Variants in SYNPO2 observed in about 807,000 individuals in gnomAD.
The protein encoded by SYNPO2 is synaptopodin-2.
A neutral mutation model predicts 85.0 loss-of-function variants in SYNPO2; 56 were observed. That is an observed-to-expected ratio of 0.66 (90% CI 0.53 to 0.82). The LOEUF (loss-of-function observed/expected upper bound fraction) is 0.82, where lower values mean the gene tolerates loss of function less well. SYNPO2 is among the 40% of genes least tolerant of loss of function. SYNPO2 has a pLI of 0.00. For missense variants in SYNPO2, 1,575 were observed against 1,534.2 expected, an observed-to-expected ratio of 1.03 and a Z score of -0.44; for synonymous variants, 602 against 591.1, an observed-to-expected ratio of 1.02 and a Z score of -0.27.
rs150690638 is a variant in SYNPO2, at chr4:118,852,343, A to G, written c.12+1403A>G. ...TCAAAGACCTAAAGACAGAAATACC[A>G]CTTGACCCAGCAATCTCATTACTGA... On this transcript the variant is annotated intron_variant, in intron 1 of 4. Coordinates refer to the SYNPO2 transcript ENST00000610556. 2.6e-4 allele frequency among the ~76,000 whole-genome samples: 39 copies of G among 152,336 alleles called. 2 individuals are homozygous for G. The highest frequency in any genetic ancestry group is 8.7e-4 in the African/African-American group (36 of 41,574).
intron 1 of SYNPO2, among the ~76,000 whole-genome samples, chr4:118,874,881 C>G (rs889565446): frequency 2.6e-5 from 4 of 152,176 alleles, no homozygotes; most frequent in African/African-American, 9.6e-5. Flanking sequence ...TTTTGTTTAA[C>G]TTTGGGGGTA....
chr4:118,869,756 T>A (rs762702604), intron 1 of SYNPO2, among the ~76,000 whole-genome samples: 2 of 152,196 alleles, frequency 1.3e-5, no homozygotes, highest in South Asian at 4.1e-4. Flanking sequence ...GCAAATATTT[T>A]TGAGCTCCTG....
At chr4:118,939,216 A>C (rs562547607) in intron 1 of SYNPO2, among the ~76,000 whole-genome samples, 2 of 152,228 alleles carry the variant, frequency 1.3e-5, no homozygotes, top group African/African-American at 4.8e-5. Context: ...ACAAAAATAC[A>C]CTTTGGTCCT....
In SYNPO2 at chr4:118,912,630, A is replaced by AT. The variant is rs529272905; in HGVS notation, c.105+23495dup. ...AAAGACTTTTCTATAAATTCTAACC[A>AT]TTTTTTCCCTCTAATTATCCTTCCA... On this transcript the variant is annotated intron_variant, in intron 1 of 4. Coordinates refer to ENST00000307142, the MANE Select transcript of SYNPO2 (RefSeq NM_133477.3). Among the ~76,000 whole-genome samples the AT allele has an allele frequency of 1.3e-3, 203 of 152,250 alleles. 3 individuals are homozygous for AT. The South Asian group carries it at 0.039, about 29-fold the overall frequency.
At chr4:118,912,981 A>G (rs1175748463) in intron 1 of SYNPO2, among the ~76,000 whole-genome samples, 1 of 152,218 alleles carries the variant, frequency 6.6e-6, no homozygotes, top group Non-Finnish European at 1.5e-5. Context: ...ATTTCAAGGC[A>G]AAATCAACCA....
chr4:118,856,688 A>AT (rs1424129396), intron 1 of SYNPO2, among the ~76,000 whole-genome samples: 1 of 151,574 alleles, frequency 6.6e-6, no homozygotes, highest in Non-Finnish European at 1.5e-5. Flanking sequence ...TAATTATTTT[A>AT]TTTTTTGTAG....
In SYNPO2 at chr4:119,057,510, G is replaced by A; in HGVS notation, c.3362G>A (p.Gly1121Glu). 6.2e-7 allele frequency: 1 copy of A among 1,614,032 alleles called. No individual in the cohort carries two copies. Among genetic ancestry groups the A allele is most frequent in the Non-Finnish European group, 8.5e-7 (1 of 1,180,020 alleles). The change falls in exon 5 of 5, where the codon GGA becomes GAA. Residue 1121 changes from glycine to glutamate, a missense_variant. Around this residue, in one of 3 missense-constraint regions of SYNPO2, gnomAD observed 1,508 missense variants for 1,446.8 expected, o/e 1.04. Transcript: ENST00000307142. ...AGTTACTCTAGTAAACCAACCGATG[G>A]ACTAGAGAAAGCAAACAAGAGACCA... is the stretch of plus-strand genomic sequence containing the variant. ...TYSYSSKPTD[G>E]LEKANKRPTP... is the part of the protein sequence containing the mutation.
At chr4:118,859,375 G>A (rs547189101) in intron 1 of SYNPO2, among the ~76,000 whole-genome samples, 8 of 152,134 alleles carry the variant, frequency 5.3e-5, no homozygotes, top group Non-Finnish European at 4.4e-5. Flanking sequence ...CAGGGTAAAT[G>A]GGGTATCTCT....
intron 1 of SYNPO2, among the ~76,000 whole-genome samples, chr4:118,909,301 T>C (rs2149123094): frequency 6.6e-6 from 1 of 152,152 alleles, no homozygotes; most frequent in Middle Eastern, 3.4e-3. Flanking sequence ...TTAATTGAGT[T>C]TTGTCTTGGT....
At chr4:118,884,301 C>T (rs1238570175), upstream of SYNPO2, among the ~76,000 whole-genome samples, 4 of 152,242 alleles carry the variant, frequency 2.6e-5, no homozygotes, top group Non-Finnish European at 4.4e-5. Context: ...TCTCTCCCAA[C>T]ACACCTTGTG....
At chr4:118,936,273 T>C (rs769093763) in intron 1 of SYNPO2, among the ~76,000 whole-genome samples, 2 of 152,074 alleles carry the variant, frequency 1.3e-5, no homozygotes, top group Non-Finnish European at 2.9e-5. Context: ...CTCAAACATA[T>C]CTCCATCGTT....
At chr4:119,049,499 G>T (rs1477703101) in intron 4 of SYNPO2, among the ~76,000 whole-genome samples, 1 of 152,144 alleles carries the variant, frequency 6.6e-6, no homozygotes, top group Non-Finnish European at 1.5e-5. Context: ...TCACTTTCAA[G>T]GTTTATGGTA....
intron 1 of SYNPO2, 83 bp from the exon 2 acceptor site, chr4:119,023,347 G>A: frequency 1.4e-6 from 2 of 1,429,086 alleles, no homozygotes; most frequent in Admixed American, 2.5e-5. Context: ...TGTTACTGTT[G>A]ACAGATTTGT....
chr4:118,917,627 GT>G (rs1322183140), intron 1 of SYNPO2, among the ~76,000 whole-genome samples: 2 of 148,194 alleles, frequency 1.3e-5, no homozygotes, highest in African/African-American at 2.5e-5. Context: ...AAACCAAAAC[GT>G]GGTTTCATGC....
chr4:118,963,852 A>G (rs927427325), intron 1 of SYNPO2, among the ~76,000 whole-genome samples: 6 of 152,204 alleles, frequency 3.9e-5, no homozygotes, highest in Non-Finnish European at 8.8e-5. Flanking sequence ...CTTGTTACTC[A>G]TATTTAACCA....
At chr4:118,856,134 T>C (rs888974389) in intron 1 of SYNPO2, among the ~76,000 whole-genome samples, 1 of 152,338 alleles carries the variant, frequency 6.6e-6, no homozygotes, top group Admixed American at 6.5e-5. Flanking sequence ...CAGCGAGTCA[T>C]TTGAGGGTAG....
intron 1 of SYNPO2, among the ~76,000 whole-genome samples, chr4:118,919,436 A>G (rs1335861982): frequency 6.6e-6 from 1 of 152,166 alleles, no homozygotes; most frequent in East Asian, 1.9e-4. Flanking sequence ...TCATCTAGGT[A>G]TCAACTTTTA....
At chr4:118,929,292 G>A (rs1733840092) in intron 1 of SYNPO2, among the ~76,000 whole-genome samples, 1 of 151,998 alleles carries the variant, frequency 6.6e-6, no homozygotes, top group Non-Finnish European at 1.5e-5. Context: ...ATAAAAATAA[G>A]GAACTGGCCA....
chr4:119,003,154 G>A (rs1302220925), intron 1 of SYNPO2, among the ~76,000 whole-genome samples: 2 of 152,176 alleles, frequency 1.3e-5, no homozygotes, highest in African/African-American at 4.8e-5. Context: ...ATGAAGGAAA[G>A]AGATTTAAAG....
Sources: allele counts gnomAD v4.1 joint callset (sites outside exome capture counted in the v4.1 genomes callset), GRCh38; gene constraint gnomAD v4.1.1; regional missense constraint gnomAD v4.1.1; transcripts MANE v1.5; gene names NCBI Gene and HGNC (gene_info 2026-07-23, HGNC 2026-07-21).